The following KLRG1 variants were observed in gnomAD, a reference collection of about 807,000 sequenced individuals.
The protein encoded by KLRG1 is killer cell lectin like receptor G1, also known as killer cell lectin-like receptor subfamily G member 1.
In KLRG1, 16 loss-of-function variants were observed where a neutral mutation model predicts 21.8. That is an observed-to-expected ratio of 0.73 (90% CI 0.50 to 1.11). The LOEUF is 1.11. Among genes scored for constraint, KLRG1 ranks in the 50% most tolerant of loss-of-function variants. KLRG1 has a pLI of 0.00. For missense variants in KLRG1, 173 were observed against 218.3 expected (o/e 0.79, Z 1.31); for synonymous variants, 69 against 75.9 (o/e 0.91, Z 0.47).
At chr12:8,958,196 T>A (rs10743568) in intron 1 of KLRG1, among the ~76,000 whole-genome samples, 6 of 152,036 alleles carry the variant, frequency 3.9e-5, no homozygotes, top group African/African-American at 7.2e-5. Context: ...GTGTGCCCGG[T>A]CTGTGATCTA....
the KLRG1 span, among the ~76,000 whole-genome samples, chr12:9,029,550 T>C: frequency 6.6e-6 from 1 of 152,270 alleles, no homozygotes; most frequent in Non-Finnish European, 1.5e-5. Flanking sequence ...ACACTAGACC[T>C]CTTGAACTTA....
chr12:9,099,630 C>A, the KLRG1 span: 1 of 1,296,374 alleles, frequency 7.7e-7, no homozygotes, highest in Non-Finnish European at 1.0e-6. Flanking sequence ...GGATGATTAC[C>A]TCTAAGGACT....
chr12:9,165,132 T>G, the KLRG1 span: 17 of 1,612,808 alleles, frequency 1.1e-5, no homozygotes, highest in African/African-American at 6.7e-5. Flanking sequence ...ACCCTCATTT[T>G]CCTTACCCGG....
chr12:9,133,848 T>C, the KLRG1 span, among the ~76,000 whole-genome samples: 4 of 152,074 alleles, frequency 2.6e-5, no homozygotes, highest in African/African-American at 9.6e-5. Flanking sequence ...GTTGTAGAAA[T>C]GAATGAAGAA....
chr12:8,966,900 G>T (rs1382842511), intron 1 of KLRG1, among the ~76,000 whole-genome samples: 12 of 149,588 alleles, frequency 8.0e-5, no homozygotes, highest in Non-Finnish European at 1.6e-4. Flanking sequence ...GTTTATTGCG[G>T]CATTATTCAC....
At chr12:9,028,147 TTC>T in the KLRG1 span, 6,721 of 587,910 alleles carry the variant, frequency 0.011, 24 homozygotes, top group Non-Finnish European at 0.015. Context: ...CGTCGTCTTC[TTC>T]TTTTTTTTTT....
chr12:9,176,880 A>G, the KLRG1 span, among the ~76,000 whole-genome samples: 1 of 152,164 alleles, frequency 6.6e-6, no homozygotes, highest in Non-Finnish European at 1.5e-5. Flanking sequence ...ATCTAGAGGT[A>G]TTGTACCTGA....
At chr12:9,195,512 T>G in the KLRG1 span, among the ~76,000 whole-genome samples, 1 of 151,676 alleles carries the variant, frequency 6.6e-6, no homozygotes, top group African/African-American at 2.4e-5. Context: ...GGTGCCATTA[T>G]AACTCACAGC....
At chr12:9,203,838 C>T in the KLRG1 span, 3 of 1,614,066 alleles carry the variant, frequency 1.9e-6, no homozygotes, top group Non-Finnish European at 2.5e-6. Context: ...GTTTTCCCTG[C>T]CAGACTCCAA....
At chr12:8,989,241 C>T (rs1592261103), upstream of KLRG1, among the ~76,000 whole-genome samples, 1 of 152,206 alleles carries the variant, frequency 6.6e-6, no homozygotes, top group Non-Finnish European at 1.5e-5. Context: ...ATTTGGCATA[C>T]ATCTACTTTT....
At chr12:9,177,532 G>A in the KLRG1 span, among the ~76,000 whole-genome samples, 7 of 152,302 alleles carry the variant, frequency 4.6e-5, no homozygotes, top group African/African-American at 1.7e-4. Flanking sequence ...AAGCCACTAG[G>A]TTTTGAAGAA....
the KLRG1 span, chr12:9,115,583 T>G: frequency 5.4e-6 from 3 of 558,682 alleles, no homozygotes; most frequent in East Asian, 9.5e-5. Context: ...TTCAGAGAGT[T>G]GGGGAAGAAT....
the KLRG1 span, chr12:9,112,422 C>T: frequency 6.2e-7 from 1 of 1,613,954 alleles, no homozygotes; most frequent in Non-Finnish European, 8.5e-7. Flanking sequence ...TGGACAAAGA[C>T]CAGACTGTCC....
the KLRG1 span, chr12:9,159,898 G>T: frequency 6.5e-7 from 1 of 1,527,824 alleles, no homozygotes; most frequent in South Asian, 1.1e-5. Flanking sequence ...TGCACGTTCT[G>T]AACTCATAGT....
chr12:9,195,415 C>T, the KLRG1 span, among the ~76,000 whole-genome samples: 1 of 151,512 alleles, frequency 6.6e-6, no homozygotes, highest in Non-Finnish European at 1.5e-5. Flanking sequence ...TTCCCCTTCC[C>T]CTTTTTCCTT....
chr12:9,107,639 G>A, the KLRG1 span: 5 of 1,613,792 alleles, frequency 3.1e-6, no homozygotes, highest in Non-Finnish European at 3.4e-6. Context: ...CTTCCCATAT[G>A]TGTATCTGTC....
chr12:9,155,630 A>T, the KLRG1 span, among the ~76,000 whole-genome samples: 14 of 152,188 alleles, frequency 9.2e-5, no homozygotes, highest in Non-Finnish European at 5.9e-5. Flanking sequence ...TACAAGATAG[A>T]TTGAGTTTAA....
chr12:9,173,805 A>G, the KLRG1 span, among the ~76,000 whole-genome samples: 3 of 152,254 alleles, frequency 2.0e-5, no homozygotes, highest in Non-Finnish European at 4.4e-5. Flanking sequence ...GAATAGACCA[A>G]TAACGAGTTC....
the KLRG1 span, chr12:9,151,543 A>C: frequency 7.3e-7 from 1 of 1,375,044 alleles, no homozygotes; most frequent in Admixed American, 1.8e-5. Context: ...TATTCTAGTA[A>C]AGAGACTCAC....
Sources: gnomAD v4.1 joint callset for allele counts (sites outside exome capture counted in the v4.1 genomes callset) on GRCh38, gnomAD v4.1.1 for gene constraint, MANE v1.5 for transcripts, NCBI Gene and HGNC (gene_info 2026-07-23, HGNC 2026-07-21) for gene names.